Variants in INPP5A observed in about 807,000 individuals in gnomAD.
INPP5A encodes 43 kDa inositol polyphosphate 5-phophatase.
In INPP5A, 14 loss-of-function variants were observed where a neutral mutation model predicts 65.2. The observed-to-expected ratio is 0.21, with a 90% CI of 0.14 to 0.34. The LOEUF (loss-of-function observed/expected upper bound fraction) is 0.34. Ranked by LOEUF, INPP5A falls within the 10% of genes least tolerant of loss-of-function variation. The pLI is 1.00. For synonymous variants in INPP5A, 207 were observed against 208.3 expected (o/e 0.99, Z 0.05); for missense variants, 431 against 545.6 (o/e 0.79, Z 2.09).
At chr10:132,596,073 A>G (rs1199431677) in intron 1 of INPP5A, among the ~76,000 whole-genome samples, 2 of 152,200 alleles carry the variant, frequency 1.3e-5, no homozygotes, top group Non-Finnish European at 1.5e-5. Flanking sequence ...TTTAAGACCT[A>G]GTTTGTTTAT....
At chr10:132,730,161 G>A (rs1239644223) in intron 9 of INPP5A, among the ~76,000 whole-genome samples, 1 of 152,238 alleles carries the variant, frequency 6.6e-6, no homozygotes, top group Non-Finnish European at 1.5e-5. Context: ...CCAGCAGCCT[G>A]GGTCCACCTG....
intron 11 of INPP5A, among the ~76,000 whole-genome samples, chr10:132,757,992 T>C (rs74816977): frequency 1.6e-5 from 2 of 127,422 alleles, no homozygotes; most frequent in East Asian, 2.6e-4. Context: ...AGTGCAATGT[T>C]GTGGGTCTCT....
rs141143443 is a variant in INPP5A, at chr10:132,722,934, A to G, written c.648-3887A>G. Reference sequence around the variant, plus strand: ...TTTTTCTCCTGCTCCAAATGGCACTATATTGAAATTGAAAGTGAGCTCTGG... The same window carrying G: ...TTTTTCTCCTGCTCCAAATGGCACTGTATTGAAATTGAAAGTGAGCTCTGG... On this transcript the variant is annotated intron_variant, in intron 8 of 15. Transcript: ENST00000368594. Among the ~76,000 whole-genome samples, 568 of 152,234 alleles carry G rather than the reference A, an allele frequency of 3.7e-3. 7 individuals carry two copies. The highest frequency in any genetic ancestry group is 0.013 in the African/African-American group (544 of 41,534).
chr10:132,749,042 A>G (rs2134635358), intron 9 of INPP5A, among the ~76,000 whole-genome samples: 1 of 152,286 alleles, frequency 6.6e-6, no homozygotes, highest in South Asian at 2.1e-4. Flanking sequence ...CGTCAGCTTC[A>G]CCCAGATGAG....
At chr10:132,556,543 ACACATG>A (rs1447264814) in intron 1 of INPP5A, among the ~76,000 whole-genome samples, 1 of 152,150 alleles carries the variant, frequency 6.6e-6, no homozygotes, top group African/African-American at 2.4e-5. Flanking sequence ...TACACACCAT[ACACATG>A]CACAACATAC....
chr10:132,735,613 G>A (rs183615937), intron 9 of INPP5A, among the ~76,000 whole-genome samples: 147 of 152,350 alleles, frequency 9.6e-4, no homozygotes, highest in African/African-American at 3.4e-3. Flanking sequence ...GGCTGGTGGG[G>A]TCATCCTCTT....
At chr10:132,696,368 T>C (rs1180260239) in intron 5 of INPP5A, among the ~76,000 whole-genome samples, 2 of 152,202 alleles carry the variant, frequency 1.3e-5, no homozygotes, top group African/African-American at 2.4e-5. Flanking sequence ...GCCCAGAGTT[T>C]TGAAGAAGAA....
chr10:132,624,878 C>T, intron 2 of INPP5A, among the ~76,000 whole-genome samples: 1 of 151,890 alleles, frequency 6.6e-6, no homozygotes, highest in East Asian at 1.9e-4. Context: ...GCCGCCGGTG[C>T]CAGGGCCCAC....
chr10:132,646,919 G>A (rs2072503299), intron 3 of INPP5A, among the ~76,000 whole-genome samples: 1 of 152,208 alleles, frequency 6.6e-6, no homozygotes, highest in African/African-American at 2.4e-5. Flanking sequence ...GAGCCGTCGA[G>A]CCCTCCCGGC....
At chr10:132,763,006 C>A (rs1846761360) in intron 11 of INPP5A, among the ~76,000 whole-genome samples, 1 of 152,124 alleles carries the variant, frequency 6.6e-6, no homozygotes, top group African/African-American at 2.4e-5. Flanking sequence ...AAATAAATAA[C>A]TTAAAAACCA....
At chr10:132,590,643 G>A (rs1055167387) in intron 1 of INPP5A, among the ~76,000 whole-genome samples, 12 of 152,224 alleles carry the variant, frequency 7.9e-5, no homozygotes, top group Non-Finnish European at 1.8e-4. Context: ...ACCGCACCCC[G>A]TTGCTTCCAG....
At chr10:132,733,290 A>C (rs931666326) in intron 9 of INPP5A, among the ~76,000 whole-genome samples, 5 of 152,202 alleles carry the variant, frequency 3.3e-5, no homozygotes, top group African/African-American at 1.2e-4. Flanking sequence ...CTGGGGGCAC[A>C]CCGTACAGCC....
intron 1 of INPP5A, among the ~76,000 whole-genome samples, chr10:132,595,916 A>G (rs1291448067): frequency 2.6e-5 from 4 of 151,500 alleles, no homozygotes; most frequent in Admixed American, 2.0e-4. Flanking sequence ...AACATTTCCC[A>G]TATTTTCATA....
chr10:132,574,293 G>T (rs12770603), intron 1 of INPP5A, among the ~76,000 whole-genome samples: 5 of 125,328 alleles, frequency 4.0e-5, no homozygotes, highest in East Asian at 5.0e-4. Context: ...GCGTGCCGTG[G>T]GAGGTTTTGT....
At chr10:132,781,648 G>A (rs1482846204) in intron 14 of INPP5A, among the ~76,000 whole-genome samples, 1 of 152,186 alleles carries the variant, frequency 6.6e-6, no homozygotes, top group South Asian at 2.1e-4. Context: ...TGGCCGGCCT[G>A]GCTCCAGTTC....
At position 132,607,915 on chromosome 10, in the gene INPP5A, C is replaced by T. The variant is rs1300993179; in HGVS notation, c.76C>T (p.Pro26Ser). 5 of 1,609,440 alleles carry T rather than the reference C, an allele frequency of 3.1e-6. No individual in the cohort carries two copies. The highest frequency in any genetic ancestry group is 3.4e-6 in the Non-Finnish European group (4 of 1,179,828). Reference protein sequence around the residue: ...TANVGSLFDDPENLQKNWLRE... With the variant: ...TANVGSLFDDSENLQKNWLRE... The stretch of plus-strand genomic sequence containing the variant: ...TTTTCTTTTTCTTCTTAATTTACAG[C>T]CAGAAAACCTGCAGAAGAACTGGCT... The change falls in exon 2 of 16, where the codon CCA (proline) becomes TCA (serine). Residue 26 changes from proline (P) to serine (S), a missense_variant and splice_region_variant. Physicochemically the swap from Pro to Ser is moderately conservative, Grantham distance 74. Coordinates refer to ENST00000368594, the MANE Select transcript of INPP5A (RefSeq NM_005539.5).
rs567442538 is a variant in INPP5A at position 132,587,972 on chromosome 10, A to G, written c.76-19943A>G. The stretch of plus-strand genomic sequence containing the variant: ...GGTTGCAGTGAGCCAAGATGGCGCC[A>G]TTGCCCTCCAGCCTGGGCAACAAGA... On this transcript the variant is annotated intron_variant, in intron 1 of 15. Transcript: ENST00000368594. This position sits in a 1 kb window ranked among gnomAD's most constrained non-coding sequence, Gnocchi z 4.3. Among the ~76,000 whole-genome samples, 1 of 137,526 alleles carries G rather than the reference A, an allele frequency of 7.3e-6. No homozygotes were observed. Among genetic ancestry groups the G allele is most frequent in the Non-Finnish European group, 1.5e-5 (1 of 65,038 alleles). The allele number at this position is 137,526 out of a possible 152,430, so 90.2% of individuals were successfully genotyped here. A position where few individuals can be genotyped will look rare whatever the true frequency, so the allele number is the denominator to read the frequency against.
At chr10:132,716,020 C>T (rs971946987) in intron 8 of INPP5A, among the ~76,000 whole-genome samples, 1 of 152,258 alleles carries the variant, frequency 6.6e-6, no homozygotes, top group Non-Finnish European at 1.5e-5. Flanking sequence ...CCACTGCTGC[C>T]CGGCAGGAGG....
chr10:132,690,246 C>T, intron 4 of INPP5A, 146 bp from the exon 5 acceptor site: 2 of 637,250 alleles, frequency 3.1e-6, no homozygotes, highest in Non-Finnish European at 5.5e-6. Flanking sequence ...TGCCTGACAT[C>T]CTGTGCCTCA....
Sources: allele counts gnomAD v4.1 joint callset (sites outside exome capture counted in the v4.1 genomes callset), GRCh38; gene constraint gnomAD v4.1.1; non-coding constraint Gnocchi (gnomAD v3.1); transcripts MANE v1.5; gene names NCBI Gene and HGNC (gene_info 2026-07-23, HGNC 2026-07-21).